The following EDRF1 variants were observed in gnomAD, a reference collection of about 807,000 sequenced individuals.
EDRF1 encodes the protein erythroid differentiation regulatory factor 1, also known as erythroid differentiation-related factor 1.
EDRF1 carries 69 observed loss-of-function variants against 148.7 expected under a neutral mutation model. That is an observed-to-expected ratio of 0.46 (90% CI 0.38 to 0.57). The LOEUF is 0.57. Ranked by LOEUF, EDRF1 falls within the 20% of genes least tolerant of loss-of-function variation. EDRF1 has a pLI of 0.00. For missense variants in EDRF1, 1,118 were observed against 1,478.7 expected (o/e 0.76, Z 4.00); for synonymous variants, 515 against 532.8 (o/e 0.97, Z 0.46).
At chr10:125,748,127 G>GA (rs1849461057) in intron 21 of EDRF1, 115 bp downstream of exon 21, 1 of 1,287,354 alleles carries the variant, frequency 7.8e-7, no homozygotes, top group African/African-American at 1.5e-5. Flanking sequence ...CAGGTGAACT[G>GA]CTGTCCTAAA....
chr10:125,738,382 G>A lies in EDRF1; in HGVS notation c.1918G>A (p.Asp640Asn). 1 of 1,614,082 alleles carries A rather than the reference G, an allele frequency of 6.2e-7. No homozygotes were observed. The highest frequency in any genetic ancestry group is 1.1e-5 in the South Asian group (1 of 91,084). The change falls in exon 15 of 25, where the codon GAT becomes AAT. Residue 640 changes from aspartate (D) to asparagine (N), a missense_variant. By Grantham distance (23) the Asp-to-Asn change is conservative (BLOSUM62 1). Transcript: ENST00000356792. ...PSTPIPLKYEDESSRGGPEGL... is the reference protein window; with the variant it reads ...PSTPIPLKYENESSRGGPEGL... Reference sequence around the variant, plus strand: ...CACTCCAATCCCGTTAAAATATGAAGATGAATCCTCAAGAGGGGGTCCCGA... The same window carrying A: ...CACTCCAATCCCGTTAAAATATGAAAATGAATCCTCAAGAGGGGGTCCCGA...
intron 22 of EDRF1, among the ~76,000 whole-genome samples, chr10:125,751,404 G>GTTTTT (rs60964364): frequency 2.8e-5 from 4 of 140,690 alleles, no homozygotes; most frequent in Non-Finnish European, 3.0e-5. Context: ...TTTACCCAGT[G>GTTTTT]TTTTTTTTTT....
intron 24 of EDRF1, among the ~76,000 whole-genome samples, chr10:125,760,431 A>C (rs1850142547): frequency 6.6e-6 from 1 of 152,224 alleles, no homozygotes; most frequent in African/African-American, 2.4e-5. Flanking sequence ...ATTCTGCTGA[A>C]AACTATTGTA....
intron 7 of EDRF1, 61 bp from the exon 8 acceptor site, chr10:125,729,297 G>T: frequency 6.3e-7 from 1 of 1,592,660 alleles, no homozygotes; most frequent in Non-Finnish European, 8.6e-7. Flanking sequence ...TCTTTTTATG[G>T]ATCATGGGGG....
intron 12 of EDRF1, 33 bp from the exon 13 acceptor site, chr10:125,735,611 G>A (rs749609962): frequency 6.2e-7 from 1 of 1,603,466 alleles, no homozygotes; most frequent in Non-Finnish European, 8.5e-7. Context: ...TTTGATGACA[G>A]TAATTTACAC....
chr10:125,751,413 T>TTG (rs1554875839), intron 22 of EDRF1, among the ~76,000 whole-genome samples: 1 of 150,840 alleles, frequency 6.6e-6, no homozygotes, highest in African/African-American at 2.5e-5. Flanking sequence ...TGTTTTTTTT[T>TTG]TTGTTTTTTT....
intron 12 of EDRF1, among the ~76,000 whole-genome samples, 198 bp from the exon 13 acceptor site, chr10:125,735,446 C>T (rs2133701417): frequency 6.6e-6 from 1 of 152,180 alleles, no homozygotes; most frequent in Middle Eastern, 3.4e-3. Flanking sequence ...ATAGGAAATG[C>T]ATCAGCCTAT....
Position 125,738,452 on chromosome 10 carries a change from T to G in EDRF1, c.1981+7T>G, listed in dbSNP as rs2133710730. On this transcript the variant is annotated splice_region_variant and intron_variant, in intron 15 of 24. Transcript: ENST00000356792. ...GCCTTGTTTTTGGACAAAAGTAAGT[T>G]GAATTGATGTGCAAATAAGGCCTTC... 1 of 1,614,078 alleles carries G rather than the reference T, an allele frequency of 6.2e-7. No homozygotes were observed. Among genetic ancestry groups the G allele is most frequent in the Admixed American group, 1.7e-5 (1 of 60,022 alleles).
intron 8 of EDRF1, 33 bp from the exon 9 acceptor site, chr10:125,730,255 A>C: frequency 6.6e-7 from 1 of 1,517,258 alleles, no homozygotes; most frequent in Non-Finnish European, 9.2e-7. Context: ...CATCTTAATT[A>C]AACCAAATAA....
intron 2 of EDRF1, among the ~76,000 whole-genome samples, chr10:125,722,189 A>G (rs1848040748): frequency 6.6e-6 from 1 of 152,274 alleles, no homozygotes; most frequent in African/African-American, 2.4e-5. Flanking sequence ...ATTTTTTAAA[A>G]GAATGGCTTA....
At chr10:125,760,140 C>T (rs1850125661) in intron 24 of EDRF1, among the ~76,000 whole-genome samples, 1 of 152,240 alleles carries the variant, frequency 6.6e-6, no homozygotes, top group African/African-American at 2.4e-5. Context: ...GGAGCAGATA[C>T]TGCATATGGT....
At position 125,725,846 on chromosome 10, in the gene EDRF1, C is replaced by T. The variant is rs755593321; in HGVS notation, c.792+8C>T. 23 of 1,610,900 alleles carry T rather than the reference C, an allele frequency of 1.4e-5. No individual in the cohort carries two copies. The highest frequency in any genetic ancestry group is 1.9e-5 in the Non-Finnish European group (22 of 1,179,698). ...CCCAGTGCTTCCAGTCAGGTTAGTACTTAAATGCTAATTCTAGAAACTCAC... is the reference window on the plus strand; with the variant it reads ...CCCAGTGCTTCCAGTCAGGTTAGTATTTAAATGCTAATTCTAGAAACTCAC... On this transcript the variant is annotated splice_region_variant and intron_variant, in intron 6 of 24. Coordinates refer to ENST00000356792, the MANE Select transcript of EDRF1 (RefSeq NM_001202438.2).
intron 24 of EDRF1, among the ~76,000 whole-genome samples, chr10:125,755,273 C>CTTGT (rs1849848686): frequency 6.6e-6 from 1 of 152,154 alleles, no homozygotes; most frequent in Non-Finnish European, 1.5e-5. Flanking sequence ...CATGGTTTCC[C>CTTGT]TTGTTTAGCC....
At chr10:125,740,317 G>C in intron 15 of EDRF1, 146 bp from the exon 16 acceptor site, 1 of 864,764 alleles carries the variant, frequency 1.2e-6, no homozygotes, top group South Asian at 1.5e-5. Context: ...TTTCACTCCA[G>C]TGTATTTAAG....
At position 125,739,973 on chromosome 10, in the gene EDRF1, T is replaced by C. The variant is rs192641239; in HGVS notation, c.1982-490T>C. Among the ~76,000 whole-genome samples, 234 of 152,176 alleles carry C rather than the reference T, an allele frequency of 1.5e-3. 1 individual carries two copies. Among genetic ancestry groups the C allele is most frequent in the African/African-American group, 5.3e-3 (220 of 41,488 alleles). The stretch of plus-strand genomic sequence containing the variant: ...GGAAACAGTAAACTAAGATGGGAGA[T>C]AGGAAAAACAGGCATGTTTATAGGT... On this transcript the variant is annotated intron_variant, in intron 15 of 24. Coordinates refer to ENST00000356792, the MANE Select transcript of EDRF1 (RefSeq NM_001202438.2).
Position 125,738,350 on chromosome 10 carries a change from A to T in EDRF1, c.1886A>T (p.Asp629Val). Residue 629 changes from aspartate (D) to valine (V), a missense_variant, in exon 15 of 25, where the codon GAC becomes GTC. Physicochemically the swap from Asp to Val is radical, Grantham distance 152. This residue lies in a region of EDRF1 where 954 missense variants were observed against 1,241.4 expected (regional missense o/e 0.77). Transcript: ENST00000356792. ...AAAGAAAGCGACCTTCCAGCAGCTG[A>T]CCCCAGCACTCCAATCCCGTTAAAA... ...IKKESDLPAA[D>V]PSTPIPLKYE... The T allele has an allele frequency of 6.2e-7, 1 of 1,614,026 alleles. No homozygotes were observed. Among genetic ancestry groups the T allele is most frequent in the Non-Finnish European group, 8.5e-7 (1 of 1,180,002 alleles).
intron 6 of EDRF1, among the ~76,000 whole-genome samples, chr10:125,727,117 C>T (rs1241682962): frequency 2.0e-5 from 3 of 152,116 alleles, no homozygotes; most frequent in Non-Finnish European, 4.4e-5. Flanking sequence ...CATGGTCATA[C>T]AGCTGGCGAA....
rs1182413585 is a variant in EDRF1, at chr10:125,743,182, C to G, written c.2496C>G (p.His832Gln). Reference sequence around the variant, plus strand: ...ACTTGAAAAGCCAAAATCCAGAACACTATGTACAAGTATTAAAGAGAATGG... The same window carrying G: ...ACTTGAAAAGCCAAAATCCAGAACAGTATGTACAAGTATTAAAGAGAATGG... ...FSDLKSQNPE[H>Q]YVQVLKRMGN... Residue 832 changes from histidine to glutamine, a missense_variant, in exon 18 of 25, where the codon CAC (histidine) becomes CAG (glutamine). Around this residue, in one of 3 missense-constraint regions of EDRF1, gnomAD observed 954 missense variants for 1,241.4 expected, o/e 0.77. Coordinates refer to ENST00000356792, the MANE Select transcript of EDRF1 (RefSeq NM_001202438.2). 5 of 1,613,732 alleles carry G rather than the reference C, an allele frequency of 3.1e-6. No individual in the cohort carries two copies. Among genetic ancestry groups the G allele is most frequent in the African/African-American group, 2.7e-5 (2 of 74,902 alleles).
At chr10:125,730,920 G>T (rs1026301130) in intron 9 of EDRF1, among the ~76,000 whole-genome samples, 7 of 152,184 alleles carry the variant, frequency 4.6e-5, no homozygotes, top group Non-Finnish European at 1.0e-4. Flanking sequence ...GAGGCAGCAG[G>T]ATCACTTGAA....
Sources: gnomAD v4.1 joint callset for allele counts (sites outside exome capture counted in the v4.1 genomes callset) on GRCh38, gnomAD v4.1.1 for gene constraint, gnomAD v4.1.1 regional missense constraint, MANE v1.5 for transcripts, NCBI Gene and HGNC (gene_info 2026-07-23, HGNC 2026-07-21) for gene names.